The following XRCC6 variants were observed in gnomAD, a reference collection of about 807,000 sequenced individuals.
The protein encoded by XRCC6 is X-ray repair cross complementing 6, also known as DNA repair protein Ku70.
XRCC6 carries 5 observed loss-of-function variants against 65.7 expected under a neutral mutation model. The observed-to-expected ratio is 0.08, with a 90% CI of 0.04 to 0.16. The LOEUF is 0.16. Ranked by LOEUF, XRCC6 falls within the 10% of genes least tolerant of loss-of-function variation. The pLI, the probability that XRCC6 is intolerant of heterozygous loss-of-function variation, is 1.00. For synonymous variants in XRCC6, 270 were observed against 270.6 expected (o/e 1.00, Z 0.02); for missense variants, 447 against 738.1 (o/e 0.61, Z 4.57).
intron 2 of XRCC6, among the ~76,000 whole-genome samples, chr22:41,624,389 A>G (rs1166984551): frequency 6.6e-6 from 1 of 151,280 alleles, no homozygotes; most frequent in African/African-American, 2.4e-5. Context: ...CTCTATCTCA[A>G]AAAAAATAAA....
intron 2 of XRCC6, among the ~76,000 whole-genome samples, chr22:41,626,935 C>T (rs753417490): frequency 6.6e-6 from 1 of 152,164 alleles, no homozygotes; most frequent in Non-Finnish European, 1.5e-5. Flanking sequence ...CCACTGCGCC[C>T]AGCCTAATGT....
At chr22:41,630,653 G>T (rs550311045) in intron 3 of XRCC6, among the ~76,000 whole-genome samples, 3 of 151,894 alleles carry the variant, frequency 2.0e-5, no homozygotes, top group African/African-American at 7.3e-5. Flanking sequence ...GAGGCCTTCC[G>T]CAGTGTTTGT....
chr22:41,635,697 C>G lies in XRCC6; in HGVS notation c.196-416C>G, dbSNP rs192414305. On this transcript the variant is annotated intron_variant, in intron 3 of 12. Transcript: ENST00000360079. ...TGGGACCCTGTGCTGCCATGCCCAG[C>G]TAATTTTTTTGTTTTTTTTTGTTTG... is the stretch of plus-strand genomic sequence containing the variant. 2.6e-5 allele frequency among the ~76,000 whole-genome samples: 3 copies of G among 114,884 alleles called. No homozygotes were observed. In the East Asian group the frequency reaches 1.0e-3, roughly 40 times the overall value. The allele number at this position is 114,884 out of a possible 152,430, so 75.4% of individuals were successfully genotyped here.
intron 8 of XRCC6, among the ~76,000 whole-genome samples, chr22:41,651,223 G>A (rs997316596): frequency 2.0e-5 from 3 of 151,902 alleles, no homozygotes; most frequent in Admixed American, 2.0e-4. Context: ...GCTTGAACCT[G>A]GGAGACAGAG....
intron 3 of XRCC6, 35 bp downstream of exon 3, chr22:41,628,265 A>T: frequency 6.4e-7 from 1 of 1,568,856 alleles, no homozygotes; most frequent in Non-Finnish European, 8.7e-7. Flanking sequence ...CAAATTTAAA[A>T]ACAGTATTGG....
At chr22:41,660,903 C>T (rs1569099697) in intron 11 of XRCC6, among the ~76,000 whole-genome samples, 3 of 152,026 alleles carry the variant, frequency 2.0e-5, no homozygotes. Flanking sequence ...CTCCTTTTCT[C>T]CTCTGTAAAA....
chr22:41,624,069 C>T (rs115869836), intron 2 of XRCC6, among the ~76,000 whole-genome samples: 2,826 of 152,094 alleles, frequency 0.019, 91 homozygotes, highest in African/African-American at 0.064. Flanking sequence ...TGTGGTGGCT[C>T]ACACTTGTAA....
At chr22:41,644,095 C>T (rs1331536576) in intron 6 of XRCC6, among the ~76,000 whole-genome samples, 29 of 146,382 alleles carry the variant, frequency 2.0e-4, no homozygotes, top group South Asian at 4.3e-4. Flanking sequence ...TGCAGTGAGC[C>T]GAGATGGCGC....
At chr22:41,642,346 G>C (rs1305177541) in intron 6 of XRCC6, among the ~76,000 whole-genome samples, 2 of 152,096 alleles carry the variant, frequency 1.3e-5, no homozygotes, top group Non-Finnish European at 2.9e-5. Flanking sequence ...AGTTGTTTGG[G>C]TTCCTTATAT....
chr22:41,640,403 C>A (rs1362257446), intron 6 of XRCC6, among the ~76,000 whole-genome samples: 1 of 152,174 alleles, frequency 6.6e-6, no homozygotes, highest in Admixed American at 6.5e-5. Context: ...CCCGCCTCAG[C>A]CTCCCAAAGT....
intron 2 of XRCC6, among the ~76,000 whole-genome samples, chr22:41,627,609 C>CAAAAAA (rs71184821): frequency 3.1e-5 from 3 of 97,466 alleles, no homozygotes; most frequent in African/African-American, 1.3e-4. Context: ...GACTCCGTCT[C>CAAAAAA]AAAAAAAAAA....
chr22:41,650,606 C>G (rs2147105283), intron 7 of XRCC6, 117 bp from the exon 8 acceptor site: 1 of 1,063,118 alleles, frequency 9.4e-7, no homozygotes, highest in East Asian at 2.4e-5. Flanking sequence ...CCCAGGTGAG[C>G]CATCTTCCTG....
At chr22:41,634,337 A>G (rs2067787270) in intron 3 of XRCC6, among the ~76,000 whole-genome samples, 1 of 151,682 alleles carries the variant, frequency 6.6e-6, no homozygotes, top group Non-Finnish European at 1.5e-5. Context: ...GGGGACTACA[A>G]GCATGTGCAT....
chr22:41,628,082 A>G, intron 2 of XRCC6, 36 bp from the exon 3 acceptor site: 2 of 1,451,702 alleles, frequency 1.4e-6, no homozygotes, highest in Non-Finnish European at 1.9e-6. Context: ...ATACGAAAAC[A>G]AGGACAAACA....
intron 11 of XRCC6, among the ~76,000 whole-genome samples, chr22:41,659,021 C>T (rs575103395): frequency 6.6e-6 from 1 of 152,162 alleles, no homozygotes; most frequent in Non-Finnish European, 1.5e-5. Context: ...CGCAGCCGGG[C>T]GTAGTGGCTT....
chr22:41,628,826 C>T (rs1569080195), intron 3 of XRCC6, among the ~76,000 whole-genome samples: 2 of 151,756 alleles, frequency 1.3e-5, no homozygotes, highest in African/African-American at 2.4e-5. Flanking sequence ...ATTAGCCAGG[C>T]ATGGTGGTGC....
At position 41,650,746 on chromosome 22, in the gene XRCC6, A is replaced by T; in HGVS notation, c.984A>T (p.Ile328=). 1 of 1,613,636 alleles carries T rather than the reference A, an allele frequency of 6.2e-7. No homozygotes were observed. Among genetic ancestry groups the T allele is most frequent in the Middle Eastern group, 1.7e-4 (1 of 5,870 alleles). ...AGATCTATGGGAGTCGTCAGATTAT[A>T]CTGGAGAAAGAGGAAACAGAAGAGC... ...RSQIYGSRQI[I]LEKEETEELK... The change falls in exon 8 of 13, where the codon ATA becomes ATT. Residue 328 remains isoleucine (I), a synonymous_variant. Transcript: ENST00000360079.
intron 10 of XRCC6, among the ~76,000 whole-genome samples, chr22:41,657,867 AGGCTG>A (rs765516247): frequency 2.0e-5 from 3 of 152,060 alleles, no homozygotes; most frequent in Non-Finnish European, 4.4e-5. Context: ...TCTGCCATCC[AGGCTG>A]GAGTACCGTG....
At chr22:41,629,017 A>C (rs2067711151) in intron 3 of XRCC6, among the ~76,000 whole-genome samples, 1 of 150,148 alleles carries the variant, frequency 6.7e-6, no homozygotes, top group African/African-American at 2.4e-5. Context: ...GCAGATGTCC[A>C]ACAAGCACAG....
Sources: allele counts gnomAD v4.1 joint callset (sites outside exome capture counted in the v4.1 genomes callset), GRCh38; gene constraint gnomAD v4.1.1; transcripts MANE v1.5; gene names NCBI Gene and HGNC (gene_info 2026-07-23, HGNC 2026-07-21).